Variants in DCDC1 observed in about 807,000 individuals in gnomAD.
The protein encoded by DCDC1 is doublecortin domain-containing protein 1.
A neutral mutation model predicts 178.3 loss-of-function variants in DCDC1; 200 were observed. The observed-to-expected ratio is 1.12, with a 90% CI of 1.00 to 1.26. The LOEUF is 1.26. Ranked by LOEUF, DCDC1 falls within the 50% of genes most tolerant of loss-of-function variation. DCDC1 has a pLI of 0.00. For missense variants in DCDC1, 1,983 were observed against 1,749.2 expected, an observed-to-expected ratio of 1.13 and a Z score of -2.38; for synonymous variants, 690 against 604.8, an observed-to-expected ratio of 1.14 and a Z score of -2.07.
chr11:30,986,911 T>A (rs1364610221), intron 20 of DCDC1, among the ~76,000 whole-genome samples: 8 of 152,158 alleles, frequency 5.3e-5, no homozygotes, highest in Non-Finnish European at 1.5e-5. Context: ...AGAATGGTAT[T>A]CTTTCTGAAG....
At chr11:30,957,949 T>C (rs1213236712) in intron 20 of DCDC1, among the ~76,000 whole-genome samples, 1 of 152,160 alleles carries the variant, frequency 6.6e-6, no homozygotes, top group Non-Finnish European at 1.5e-5. Flanking sequence ...GCAGAAGAAC[T>C]CAAGCCTGGT....
intron 18 of DCDC1, among the ~76,000 whole-genome samples, chr11:31,067,999 G>A (rs1956348556): frequency 1.3e-5 from 2 of 152,000 alleles, no homozygotes; most frequent in African/African-American, 4.8e-5. Flanking sequence ...CTAAAAATAG[G>A]TGAATTATAT....
chr11:31,095,773 A>G lies in DCDC1; in HGVS notation c.1984-1589T>C, dbSNP rs148399451. Among the ~76,000 whole-genome samples the G allele has an allele frequency of 3.6e-4, 55 of 152,328 alleles. No individual in the cohort carries two copies. The East Asian group carries it at 0.01, about 28-fold the overall frequency. ...CTAATTGTCAAATTATTAGGCACTCACATCACTTGTAGGAATTCTATTACT... is the reference window on the plus strand; with the variant it reads ...CTAATTGTCAAATTATTAGGCACTCGCATCACTTGTAGGAATTCTATTACT... On this transcript the variant is annotated intron_variant, in intron 15 of 38. Transcript: ENST00000684477.
At chr11:31,174,224 C>A (rs906771960) in intron 9 of DCDC1, among the ~76,000 whole-genome samples, 12 of 152,214 alleles carry the variant, frequency 7.9e-5, no homozygotes, top group Non-Finnish European at 1.6e-4. Context: ...AAGGCCCTAC[C>A]AAGCCCCTGC....
chr11:31,081,160 A>T (rs1382760626), intron 17 of DCDC1, among the ~76,000 whole-genome samples: 2 of 152,238 alleles, frequency 1.3e-5, no homozygotes, highest in Non-Finnish European at 2.9e-5. Context: ...CTTTGAATAA[A>T]TAAAAACGTG....
At chr11:31,322,668 G>A (rs1449002951) in intron 3 of DCDC1, among the ~76,000 whole-genome samples, 1 of 152,156 alleles carries the variant, frequency 6.6e-6, no homozygotes, top group Admixed American at 6.5e-5. Context: ...TTGCAAGCAG[G>A]AGGGGTCAAG....
chr11:31,306,101 C>CGT (rs1948439070), intron 5 of DCDC1, 131 bp downstream of exon 5: 1 of 926,108 alleles, frequency 1.1e-6, no homozygotes, highest in Admixed American at 3.8e-5. Flanking sequence ...ATGAAATCTA[C>CGT]GTATATATAA....
chr11:31,016,109 A>G (rs1952472652), intron 20 of DCDC1, among the ~76,000 whole-genome samples: 1 of 152,216 alleles, frequency 6.6e-6, no homozygotes, highest in Admixed American at 6.5e-5. Context: ...CCTTGTATTA[A>G]TCTAGTTTCT....
chr11:30,898,986 GGAA>G (rs771455063), intron 34 of DCDC1, among the ~76,000 whole-genome samples: 4 of 152,058 alleles, frequency 2.6e-5, no homozygotes, highest in Non-Finnish European at 5.9e-5. Flanking sequence ...TAAAGAGAAT[GGAA>G]GAAGGAGACC....
At chr11:31,110,237 A>G (rs1341345824) in intron 12 of DCDC1, 23 bp downstream of exon 12, 2 of 694,984 alleles carry the variant, frequency 2.9e-6, no homozygotes, top group Non-Finnish European at 5.3e-6. Context: ...TTAAAGTCAT[A>G]AGTAAACTGT....
At chr11:30,969,985 T>G (rs1412225981) in intron 20 of DCDC1, among the ~76,000 whole-genome samples, 1 of 152,052 alleles carries the variant, frequency 6.6e-6, no homozygotes, top group African/African-American at 2.4e-5. Context: ...TAATAGATCA[T>G]CTAAGACAGA....
chr11:30,877,904 T>C (rs567254415), intron 38 of DCDC1, among the ~76,000 whole-genome samples: 2 of 152,246 alleles, frequency 1.3e-5, no homozygotes, highest in African/African-American at 4.8e-5. Flanking sequence ...ATTCCATATA[T>C]GGAATATATT....
intron 20 of DCDC1, among the ~76,000 whole-genome samples, chr11:30,959,103 G>T (rs1359298886): frequency 6.6e-6 from 1 of 152,108 alleles, no homozygotes; most frequent in African/African-American, 2.4e-5. Flanking sequence ...GGAAGAGGAG[G>T]AAGTTGATGC....
At chr11:31,204,737 G>A (rs1216673490) in intron 9 of DCDC1, among the ~76,000 whole-genome samples, 1 of 152,140 alleles carries the variant, frequency 6.6e-6, no homozygotes, top group African/African-American at 2.4e-5. Flanking sequence ...CAGGAGAATC[G>A]CTTGAACTCA....
intron 13 of DCDC1, among the ~76,000 whole-genome samples, chr11:31,104,756 AT>A (rs769649180): frequency 6.6e-6 from 1 of 152,084 alleles, no homozygotes; most frequent in Admixed American, 6.6e-5. Context: ...AATGTCTGGA[AT>A]TGCTTTCAAG....
intron 1 of DCDC1, among the ~76,000 whole-genome samples, chr11:31,347,748 G>A (rs984218005): frequency 9.9e-5 from 15 of 152,268 alleles, no homozygotes; most frequent in Admixed American, 7.2e-4. Flanking sequence ...GATAGAAGGT[G>A]CCAGGGGTCA....
chr11:31,094,433 T>C (rs541133255), intron 15 of DCDC1, among the ~76,000 whole-genome samples: 11 of 152,236 alleles, frequency 7.2e-5, no homozygotes, highest in Non-Finnish European at 1.5e-4. Context: ...CAAAGAAACA[T>C]ACAACAGAGT....
intron 20 of DCDC1, among the ~76,000 whole-genome samples, chr11:31,054,463 A>T (rs751212293): frequency 6.6e-6 from 1 of 152,158 alleles, no homozygotes; most frequent in African/African-American, 2.4e-5. Flanking sequence ...TACCACCATC[A>T]TTCTTCACAG....
chr11:31,033,387 C>T (rs916661157), intron 20 of DCDC1, among the ~76,000 whole-genome samples: 2 of 151,944 alleles, frequency 1.3e-5, no homozygotes, highest in Non-Finnish European at 2.9e-5. Context: ...AACATCTATC[C>T]TAATTTCTGC....
Sources: allele counts gnomAD v4.1 joint callset (sites outside exome capture counted in the v4.1 genomes callset), GRCh38; gene constraint gnomAD v4.1.1; transcripts MANE v1.5; gene names NCBI Gene and HGNC (gene_info 2026-07-23, HGNC 2026-07-21).